Variants in IL12RB2 observed in about 807,000 individuals in gnomAD.
IL12RB2 encodes the protein interleukin 12 receptor subunit beta 2, also known as interleukin-12 receptor subunit beta-2.
In IL12RB2, 82 loss-of-function variants were observed where a neutral mutation model predicts 89.4. The ratio of observed to expected loss-of-function variants is 0.92; its 90% confidence interval spans 0.77 to 1.10. The LOEUF (loss-of-function observed/expected upper bound fraction) is 1.10. Ranked by LOEUF, IL12RB2 falls within the 50% of genes least tolerant of loss-of-function variation. IL12RB2 has a pLI of 0.00. For missense variants in IL12RB2, 963 were observed against 1,031.9 expected (o/e 0.93, Z 0.92); for synonymous variants, 368 against 370.1 (o/e 0.99, Z 0.07).
chr1:67,336,359 A>G (rs950888208), intron 8 of IL12RB2, among the ~76,000 whole-genome samples: 4 of 152,154 alleles, frequency 2.6e-5, no homozygotes, highest in African/African-American at 9.7e-5. Flanking sequence ...TAGTGTCCGG[A>G]CACCACCTGA....
At chr1:67,334,654 T>G (rs1658532375) in intron 8 of IL12RB2, among the ~76,000 whole-genome samples, 1 of 152,122 alleles carries the variant, frequency 6.6e-6, no homozygotes. Flanking sequence ...TAATTTTTTG[T>G]ATTTTTAGTA....
intron 16 of IL12RB2, among the ~76,000 whole-genome samples, 180 bp from the exon 17 acceptor site, chr1:67,395,367 C>G (rs910304124): frequency 2.0e-5 from 3 of 152,150 alleles, no homozygotes; most frequent in Admixed American, 6.5e-5. Context: ...TGGCTCCTGC[C>G]CCTCTGCCTC....
At chr1:67,377,413 A>G (rs1664097601) in intron 13 of IL12RB2, among the ~76,000 whole-genome samples, 1 of 152,148 alleles carries the variant, frequency 6.6e-6, no homozygotes, top group Non-Finnish European at 1.5e-5. Context: ...AGCAGGTGTG[A>G]AAGGAAAATA....
At chr1:67,310,114 G>A (rs1339915320) in intron 1 of IL12RB2, among the ~76,000 whole-genome samples, 1 of 148,316 alleles carries the variant, frequency 6.7e-6, no homozygotes, top group African/African-American at 2.5e-5. Context: ...AACCCGGGAG[G>A]CAGAGGTTGC....
chr1:67,354,741 G>T (rs1462929293), intron 10 of IL12RB2, among the ~76,000 whole-genome samples: 1 of 152,162 alleles, frequency 6.6e-6, no homozygotes, highest in Non-Finnish European at 1.5e-5. Context: ...ATCTGTAGGG[G>T]TAGAACATGA....
intron 9 of IL12RB2, 29 bp downstream of exon 9, chr1:67,338,732 A>G (rs1659169647): frequency 9.5e-7 from 1 of 1,053,136 alleles, no homozygotes; most frequent in Admixed American, 1.7e-5. Flanking sequence ...CTTAAAACTC[A>G]AGGGAATAAA....
Position 67,395,906 on chromosome 1 carries a change from C to G in IL12RB2, c.2406C>G (p.Pro802=). The change falls in exon 17 of 17, where the codon CCC becomes CCG. Residue 802 remains proline, a synonymous_variant. Coordinates refer to ENST00000674203, the MANE Select transcript of IL12RB2 (RefSeq NM_001374259.2). ...TTCCCACCCATGATGGCTACTTACC[C>G]TCCAACATAGATGACCTCCCCTCAC... is the stretch of plus-strand genomic sequence containing the variant. ...GDLPTHDGYL[P]SNIDDLPSHE... The G allele has an allele frequency of 6.2e-7, 1 of 1,610,902 alleles. No homozygotes were observed. Among genetic ancestry groups the G allele is most frequent in the Non-Finnish European group, 8.5e-7 (1 of 1,177,150 alleles).
intron 4 of IL12RB2, among the ~76,000 whole-genome samples, chr1:67,326,439 A>T (rs977026488): frequency 4.0e-5 from 6 of 151,224 alleles, no homozygotes; most frequent in Non-Finnish European, 7.3e-5. Context: ...TCTGAAAAAA[A>T]ATATAATAAT....
chr1:67,362,572 C>CAAAA (rs956277979), intron 10 of IL12RB2, among the ~76,000 whole-genome samples: 12 of 43,264 alleles, frequency 2.8e-4, no homozygotes, highest in Middle Eastern at 0.011. Context: ...GACTCCGTCT[C>CAAAA]AAAAAAAAAA....
chr1:67,354,331 G>C (rs753513132), intron 10 of IL12RB2, among the ~76,000 whole-genome samples: 1 of 152,150 alleles, frequency 6.6e-6, no homozygotes, highest in African/African-American at 2.4e-5. Context: ...GGAAGAACCA[G>C]AGATAAGGAA....
At chr1:67,347,043 C>A (rs946173188) in intron 9 of IL12RB2, among the ~76,000 whole-genome samples, 1 of 152,164 alleles carries the variant, frequency 6.6e-6, no homozygotes, top group South Asian at 2.1e-4. Context: ...TAAGCCTACA[C>A]TGTACATGAC....
At chr1:67,369,435 A>C (rs982664437) in intron 11 of IL12RB2, among the ~76,000 whole-genome samples, 7 of 152,242 alleles carry the variant, frequency 4.6e-5, no homozygotes, top group African/African-American at 1.7e-4. Context: ...TTGAAAAAGA[A>C]GTTTCCTGCC....
chr1:67,328,289 A>C lies in IL12RB2; in HGVS notation c.569A>C (p.Glu190Ala). 2 of 1,614,196 alleles carry C rather than the reference A, an allele frequency of 1.2e-6. No homozygotes were observed. The highest frequency in any genetic ancestry group is 1.7e-6 in the Non-Finnish European group (2 of 1,180,028). Residue 190 changes from glutamate (E) to alanine (A), a missense_variant, in exon 6 of 17, where the codon GAA becomes GCA. By Grantham distance (107) the Glu-to-Ala change is moderately radical. Transcript: ENST00000674203. ...GACTTTGGAATCAACCTCACCCCTGAATCACCTGAATCCAATTTCACAGCC... is the reference window on the plus strand; with the variant it reads ...GACTTTGGAATCAACCTCACCCCTGCATCACCTGAATCCAATTTCACAGCC... ...YLDFGINLTP[E>A]SPESNFTAKV...
At chr1:67,348,216 C>G (rs1227470046) in intron 9 of IL12RB2, among the ~76,000 whole-genome samples, 1 of 152,174 alleles carries the variant, frequency 6.6e-6, no homozygotes, top group Non-Finnish European at 1.5e-5. Context: ...CCTCCCCAAA[C>G]TGATGAACTC....
rs1469140675 is a variant in IL12RB2, at chr1:67,330,641, A to C, written c.808-19A>C. On this transcript the variant is annotated intron_variant, in intron 7 of 16. Coordinates refer to ENST00000674203, the MANE Select transcript of IL12RB2 (RefSeq NM_001374259.2). ...CAATCTAGTATTAATAGGCACTTTA[A>C]AAAAATGTCTGTTTCAAGGTTAATG... 2.2e-6 allele frequency: 3 copies of C among 1,363,254 alleles called. No individual in the cohort carries two copies. The highest frequency in any genetic ancestry group is 3.2e-6 in the Non-Finnish European group (3 of 952,010). 84.4% of individuals were successfully genotyped at this position (1,363,254 alleles called of 1,614,324 possible). A position where few individuals can be genotyped will look rare whatever the true frequency, so the allele number is the denominator to read the frequency against.
chr1:67,321,231 T>C (rs1420444896), intron 3 of IL12RB2, among the ~76,000 whole-genome samples: 3 of 152,168 alleles, frequency 2.0e-5, no homozygotes, highest in African/African-American at 7.2e-5. Context: ...GAAACAAATG[T>C]GTTTTTTTCT....
At chr1:67,319,984 G>A (rs6662789) in intron 2 of IL12RB2, among the ~76,000 whole-genome samples, 11,114 of 152,172 alleles carry the variant, frequency 0.073, 505 homozygotes, top group African/African-American at 0.12. Flanking sequence ...TGAATCTGCT[G>A]ACCTCTTGAT....
At chr1:67,387,009 A>C (rs1020782164) in intron 15 of IL12RB2, among the ~76,000 whole-genome samples, 2 of 150,200 alleles carry the variant, frequency 1.3e-5, no homozygotes, top group African/African-American at 4.9e-5. Context: ...GCTCACTGCA[A>C]CCTCCGCCTC....
chr1:67,376,893 T>C (rs1393324424), intron 13 of IL12RB2, among the ~76,000 whole-genome samples: 1 of 152,188 alleles, frequency 6.6e-6, no homozygotes, highest in Non-Finnish European at 1.5e-5. Flanking sequence ...CTCTCTAAAA[T>C]TAATTTTTTA....
Sources: gnomAD v4.1 joint callset for allele counts (sites outside exome capture counted in the v4.1 genomes callset) on GRCh38, gnomAD v4.1.1 for gene constraint, MANE v1.5 for transcripts, NCBI Gene and HGNC (gene_info 2026-07-23, HGNC 2026-07-21) for gene names.